The following MERTK variants were observed in gnomAD, a reference collection of about 807,000 sequenced individuals.
The protein encoded by MERTK is tyrosine-protein kinase Mer.
In MERTK, 69 loss-of-function variants were observed where a neutral mutation model predicts 99.3. The observed-to-expected ratio is 0.70, with a 90% confidence interval of 0.57 to 0.85. The LOEUF is 0.85. MERTK is among the 40% of genes least tolerant of loss of function. MERTK has a pLI of 0.00. For synonymous variants in MERTK, 426 were observed against 467.6 expected (o/e 0.91, Z 1.15); for missense variants, 1,125 against 1,249.4 (o/e 0.90, Z 1.50).
chr2:112,001,048 TCA>T (rs1428298051), intron 10 of MERTK, among the ~76,000 whole-genome samples, 151 bp from the exon 11 acceptor site: 1 of 152,184 alleles, frequency 6.6e-6, no homozygotes, highest in Admixed American at 6.6e-5. Context: ...CTAAAATAAA[TCA>T]AAGGAAAGAA....
At position 111,973,404 on chromosome 2, in the gene MERTK, A is replaced by G. The variant is rs1366800050; in HGVS notation, c.961-1885A>G. Among the ~76,000 whole-genome samples the G allele has an allele frequency of 2.6e-5, 4 of 151,908 alleles. No individual in the cohort carries two copies. The East Asian group carries it at 7.7e-4, about 29-fold the overall frequency. On this transcript the variant is annotated intron_variant, in intron 6 of 18. Transcript: ENST00000295408. ...CTCGTTTCTCCTCTGGTGGCTCCTC[A>G]GGCCAAATGATACCTTCTTGTCACC...
rs184730508 is a variant in MERTK, at chr2:112,006,537, A to G, written c.1868-1846A>G. Among the ~76,000 whole-genome samples the G allele has an allele frequency of 9.4e-4, 143 of 152,202 alleles. 1 individual carries two copies. The highest frequency in any genetic ancestry group is 3.3e-3 in the African/African-American group (135 of 41,512). ...AGTCCTTCCATAATTCCTATTAGGGATATAAGGCAGGTATATTAGGAGGCC... is the reference window on the plus strand; with the variant it reads ...AGTCCTTCCATAATTCCTATTAGGGGTATAAGGCAGGTATATTAGGAGGCC... On this transcript the variant is annotated intron_variant, in intron 13 of 18. Transcript: ENST00000295408.
In MERTK at chr2:111,925,546, A is replaced by G. The variant is rs1448029497; in HGVS notation, c.62-3574A>G. Among the ~76,000 whole-genome samples, 3 of 151,286 alleles carry G rather than the reference A, an allele frequency of 2.0e-5. No individual in the cohort carries two copies. The East Asian group carries it at 5.9e-4, about 30-fold the overall frequency. ...TCGAACTCCTGACCTCAGGTGATCC[A>G]CCCACCTCAGCCTCCCAAAGTGCTG... On this transcript the variant is annotated intron_variant, in intron 1 of 18. Transcript: ENST00000295408.
chr2:112,022,369 C>A lies in MERTK; in HGVS notation c.2461C>A (p.Gln821Lys), dbSNP rs1193954549. 1.2e-6 allele frequency: 2 copies of A among 1,614,136 alleles called. No homozygotes were observed. The highest frequency in any genetic ancestry group is 1.7e-5 in the Admixed American group (1 of 60,014). ...TCTTCTCCATGGCCACAGGTTGAAGCAGCCCGAAGACTGCCTGGATGAACT... is the reference window on the plus strand; with the variant it reads ...TCTTCTCCATGGCCACAGGTTGAAGAAGCCCGAAGACTGCCTGGATGAACT... ...DYLLHGHRLKQPEDCLDELYE... is the reference protein window; with the variant it reads ...DYLLHGHRLKKPEDCLDELYE... The change falls in exon 18 of 19, where the codon CAG becomes AAG. Residue 821 changes from glutamine (Q) to lysine (K), a missense_variant. By Grantham distance (53) the Gln-to-Lys change is moderately conservative. Coordinates refer to ENST00000295408, the MANE Select transcript of MERTK (RefSeq NM_006343.3).
chr2:111,976,546 G>A (rs1676255755), intron 7 of MERTK, among the ~76,000 whole-genome samples: 3 of 150,732 alleles, frequency 2.0e-5, no homozygotes, highest in Admixed American at 2.0e-4. Context: ...GTGTGTGTGT[G>A]TGTGTGTGTG....
At chr2:111,950,509 G>A (rs954351640) in intron 4 of MERTK, among the ~76,000 whole-genome samples, 6 of 152,162 alleles carry the variant, frequency 3.9e-5, no homozygotes, top group Non-Finnish European at 7.3e-5. Flanking sequence ...TTTCATTCCA[G>A]CAACAGTGGA....
chr2:111,961,074 C>T (rs1220778630), intron 4 of MERTK, among the ~76,000 whole-genome samples: 1 of 151,560 alleles, frequency 6.6e-6, no homozygotes, highest in African/African-American at 2.4e-5. Flanking sequence ...TTTCATGCCT[C>T]ACTTGAGAAG....
intron 9 of MERTK, chr2:111,994,662 C>T: frequency 2.1e-6 from 1 of 467,324 alleles, no homozygotes; most frequent in Non-Finnish European, 4.1e-6. Context: ...GCCTGTTGTC[C>T]CAGCTACTTG....
chr2:112,019,281 T>C, intron 15 of MERTK, 132 bp from the exon 16 acceptor site: 1 of 796,096 alleles, frequency 1.3e-6, no homozygotes, highest in Admixed American at 1.7e-5. Flanking sequence ...GATATGGAAA[T>C]AAAAGATTTG....
At chr2:111,906,766 G>A (rs1407315083) in intron 1 of MERTK, among the ~76,000 whole-genome samples, 1 of 152,236 alleles carries the variant, frequency 6.6e-6, no homozygotes, top group Non-Finnish European at 1.5e-5. Context: ...AAGCTTTTTA[G>A]ATTCACTCTT....
At chr2:111,983,121 AG>A in intron 8 of MERTK, 128 bp downstream of exon 8, 1 of 1,024,172 alleles carries the variant, frequency 9.8e-7, no homozygotes, top group South Asian at 1.4e-5. Flanking sequence ...GGCACCTTTC[AG>A]GGGAACATAA....
At chr2:111,994,663 C>T (rs1271107821) in intron 9 of MERTK, 12 of 465,146 alleles carry the variant, frequency 2.6e-5, no homozygotes, top group Non-Finnish European at 4.5e-5. Flanking sequence ...CCTGTTGTCC[C>T]AGCTACTTGG....
chr2:111,938,021 A>G (rs1160988492), intron 2 of MERTK, among the ~76,000 whole-genome samples: 1 of 152,052 alleles, frequency 6.6e-6, no homozygotes, highest in Non-Finnish European at 1.5e-5. Flanking sequence ...TTGCACATCC[A>G]TCTCCAGAAC....
At position 112,021,547 on chromosome 2, in the gene MERTK, T is replaced by C; in HGVS notation, c.2315T>C (p.Leu772Pro). 1 of 1,500,808 alleles carries C rather than the reference T, an allele frequency of 6.7e-7. No homozygotes were observed. The highest frequency in any genetic ancestry group is 1.3e-5 in the South Asian group (1 of 76,622). 93.0% of individuals were successfully genotyped at this position (1,500,808 alleles called of 1,614,324 possible). The change falls in exon 17 of 19, where the codon CTT (leucine) becomes CCT (proline). Residue 772 changes from leucine (L) to proline (P), a missense_variant. By Grantham distance (98) the Leu-to-Pro change is moderately conservative. Coordinates refer to ENST00000295408, the MANE Select transcript of MERTK (RefSeq NM_006343.3). ...GTTAAATGGATCGCCATAGAAAGTC[T>C]TGCAGACCGAGTCTACACAAGTAAA... ...MPVKWIAIES[L>P]ADRVYTSKSD...
chr2:111,951,632 A>C (rs773858811), intron 4 of MERTK, among the ~76,000 whole-genome samples: 3 of 149,350 alleles, frequency 2.0e-5, no homozygotes, highest in Non-Finnish European at 4.4e-5. Flanking sequence ...TGCTGCAATG[A>C]ATATGGGACC....
chr2:111,988,251 G>A (rs74438958), intron 8 of MERTK, among the ~76,000 whole-genome samples: 3,338 of 152,270 alleles, frequency 0.022, 115 homozygotes, highest in African/African-American at 0.075. Context: ...TCAAAGGAGA[G>A]CAGAGCATTT....
intron 8 of MERTK, among the ~76,000 whole-genome samples, chr2:111,994,009 C>CT (rs1676684351): frequency 6.6e-6 from 1 of 152,220 alleles, no homozygotes; most frequent in South Asian, 2.1e-4. Flanking sequence ...TAGGACCACT[C>CT]TAAGTGCCAT....
chr2:111,986,460 C>CT (rs1398550024), intron 8 of MERTK, among the ~76,000 whole-genome samples: 2 of 152,332 alleles, frequency 1.3e-5, no homozygotes, highest in East Asian at 3.9e-4. Flanking sequence ...CTTAGGCTGT[C>CT]TAAAAACAAG....
Position 111,945,054 on chromosome 2 carries a change from G to A in MERTK, c.577G>A (p.Val193Ile). Residue 193 changes from valine (V) to isoleucine (I), a missense_variant, in exon 3 of 19, where the codon GTA (valine) becomes ATA (isoleucine). Physicochemically the swap from Val to Ile is conservative, Grantham distance 29 (BLOSUM62 3). Coordinates refer to ENST00000295408, the MANE Select transcript of MERTK (RefSeq NM_006343.3). ...EIVSDPIYIE[V>I]QGLPHFTKQP... ...CGTGTCTGATCCCATCTACATCGAAGTACAAGGTAAGTCCACAGACCAGAG... is the reference window on the plus strand; with the variant it reads ...CGTGTCTGATCCCATCTACATCGAAATACAAGGTAAGTCCACAGACCAGAG... The A allele has an allele frequency of 6.2e-7, 1 of 1,612,246 alleles. No homozygotes were observed. The highest frequency in any genetic ancestry group is 8.5e-7 in the Non-Finnish European group (1 of 1,178,536).
Sources: allele counts gnomAD v4.1 joint callset (sites outside exome capture counted in the v4.1 genomes callset), GRCh38; gene constraint gnomAD v4.1.1; transcripts MANE v1.5; gene names NCBI Gene and HGNC (gene_info 2026-07-23, HGNC 2026-07-21).